CSMD1: variants seen among roughly 807,000 people sequenced by gnomAD.
The protein encoded by CSMD1 is CUB and sushi domain-containing protein 1.
In CSMD1, 213 loss-of-function variants were observed where a neutral mutation model predicts 417.5. The observed-to-expected ratio is 0.51, with a 90% CI of 0.46 to 0.57. CSMD1 has a LOEUF of 0.57. Among genes scored for constraint, CSMD1 ranks in the 20% least tolerant of loss-of-function variants. The probability of loss-of-function intolerance (pLI) is 0.00; values close to 1 mark genes in which losing one functional copy is unlikely to be tolerated. For missense variants in CSMD1, 6,923 were observed against 4,529.7 expected, an observed-to-expected ratio of 1.53 and a Z score of -15.17; for synonymous variants, 2,862 against 1,736.8, an observed-to-expected ratio of 1.65 and a Z score of -16.11.
intron 3 of CSMD1, among the ~76,000 whole-genome samples, chr8:4,287,374 C>G (rs1287908558): frequency 1.3e-5 from 2 of 152,116 alleles, no homozygotes; most frequent in African/African-American, 4.8e-5. Context: ...TCTAGAGGAA[C>G]AATGTAATGG....
chr8:4,332,547 TCACATA>T (rs1332277524), intron 3 of CSMD1, among the ~76,000 whole-genome samples: 19 of 111,534 alleles, frequency 1.7e-4, no homozygotes, highest in Non-Finnish European at 3.3e-4. Flanking sequence ...TGTCATGATA[TCACATA>T]CACACACACA....
chr8:3,468,438 T>C (rs1221720286), intron 12 of CSMD1, among the ~76,000 whole-genome samples: 1 of 152,214 alleles, frequency 6.6e-6, no homozygotes, highest in East Asian at 1.9e-4. Context: ...TCCCCACATA[T>C]GCCCACACTT....
chr8:3,827,640 C>T (rs919519802), intron 5 of CSMD1, among the ~76,000 whole-genome samples: 1 of 152,292 alleles, frequency 6.6e-6, no homozygotes, highest in African/African-American at 2.4e-5. Flanking sequence ...ATAAAAACCT[C>T]TTCGAATAAA....
At chr8:4,180,445 G>A (rs1018561805) in intron 3 of CSMD1, among the ~76,000 whole-genome samples, 1 of 118,332 alleles carries the variant, frequency 8.5e-6, no homozygotes, top group African/African-American at 3.2e-5. Context: ...GGGGAGGGGG[G>A]AGGGATAGCA....
intron 1 of CSMD1, among the ~76,000 whole-genome samples, chr8:4,718,273 A>T (rs921360463): frequency 6.6e-6 from 1 of 152,202 alleles, no homozygotes; most frequent in Non-Finnish European, 1.5e-5. Context: ...CACCATGCTA[A>T]ACCATACAAA....
At chr8:4,985,519 T>C (rs530227483) in intron 1 of CSMD1, among the ~76,000 whole-genome samples, 3 of 152,280 alleles carry the variant, frequency 2.0e-5, no homozygotes, top group African/African-American at 7.2e-5. Flanking sequence ...AGTCAAGTCT[T>C]CCCAATTCTC....
intron 3 of CSMD1, among the ~76,000 whole-genome samples, chr8:4,298,983 C>G (rs1053104764): frequency 7.9e-5 from 12 of 151,818 alleles, no homozygotes; most frequent in African/African-American, 2.9e-4. Context: ...GAAAGTGTTG[C>G]TTTGCAGATC....
chr8:4,560,624 G>C (rs1215909785), intron 2 of CSMD1, among the ~76,000 whole-genome samples: 1 of 152,218 alleles, frequency 6.6e-6, no homozygotes, highest in African/African-American at 2.4e-5. Flanking sequence ...CCACGGTTTA[G>C]TCCTCATGTG....
At chr8:3,728,691 T>C (rs907350837) in intron 6 of CSMD1, among the ~76,000 whole-genome samples, 1 of 151,938 alleles carries the variant, frequency 6.6e-6, no homozygotes, top group Non-Finnish European at 1.5e-5. Flanking sequence ...AAGAGTGCTC[T>C]TGTAATCTTG....
chr8:4,764,048 C>T (rs774200115), intron 1 of CSMD1, among the ~76,000 whole-genome samples: 9 of 152,138 alleles, frequency 5.9e-5, no homozygotes, highest in East Asian at 5.8e-4. Flanking sequence ...CCATGAATTA[C>T]GCTGGCAACA....
At chr8:4,539,437 G>C (rs1585222883) in intron 2 of CSMD1, among the ~76,000 whole-genome samples, 1 of 152,092 alleles carries the variant, frequency 6.6e-6, no homozygotes, top group African/African-American at 2.4e-5. Flanking sequence ...TTTTTAGTCA[G>C]TCTTCAAAAA....
intron 3 of CSMD1, among the ~76,000 whole-genome samples, chr8:4,170,769 C>T (rs1000441980): frequency 3.3e-5 from 5 of 151,390 alleles, no homozygotes; most frequent in African/African-American, 4.9e-5. Context: ...AGCTAAGGGA[C>T]ACAGAATTTC....
In CSMD1 at chr8:3,406,225, A is replaced by T; in HGVS notation, c.2072-4T>A. Reference sequence around the variant, plus strand: ...TGGCACTCATTCTGACCAAATGCTGAAAGAAAAAGAAGAAGAAAAAAGGAA... The same window carrying T: ...TGGCACTCATTCTGACCAAATGCTGTAAGAAAAAGAAGAAGAAAAAAGGAA... On this transcript the variant is annotated splice_region_variant and splice_polypyrimidine_tract_variant and intron_variant, in intron 14 of 69. Coordinates refer to ENST00000635120, the MANE Select transcript of CSMD1 (RefSeq NM_033225.6). The T allele has an allele frequency of 1.3e-6, 2 of 1,580,330 alleles. No homozygotes were observed. Among genetic ancestry groups the T allele is most frequent in the Non-Finnish European group, 1.7e-6 (2 of 1,165,010 alleles).
chr8:4,106,028 C>A (rs187578904), intron 3 of CSMD1, among the ~76,000 whole-genome samples: 1 of 152,192 alleles, frequency 6.6e-6, no homozygotes, highest in African/African-American at 2.4e-5. Flanking sequence ...ACCATCTCCA[C>A]TGCATCAAGG....
intron 3 of CSMD1, among the ~76,000 whole-genome samples, chr8:4,328,948 C>G (rs1467333634): frequency 6.6e-6 from 1 of 152,170 alleles, no homozygotes; most frequent in Non-Finnish European, 1.5e-5. Flanking sequence ...AATGCATTTG[C>G]AAGTTTAGCA....
Position 3,938,218 on chromosome 8 carries a change from T to C in CSMD1, c.818+59685A>G, listed in dbSNP as rs536205746. On this transcript the variant is annotated intron_variant, in intron 5 of 69. Transcript: ENST00000635120. Reference sequence around the variant, plus strand: ...TCATTTTTGGGTAACATCCAGTCACTGATGAAGCCATGTGTAAAATGCTTT... The same window carrying C: ...TCATTTTTGGGTAACATCCAGTCACCGATGAAGCCATGTGTAAAATGCTTT... Among the ~76,000 whole-genome samples the C allele has an allele frequency of 3.3e-5, 5 of 152,136 alleles. 1 individual carries two copies. The highest frequency in any genetic ancestry group is 7.4e-5 in the Non-Finnish European group (5 of 68,010).
chr8:4,109,131 C>G (rs1265489289), intron 3 of CSMD1, among the ~76,000 whole-genome samples: 1 of 152,022 alleles, frequency 6.6e-6, no homozygotes, highest in Non-Finnish European at 1.5e-5. Flanking sequence ...ATTTATAATA[C>G]CTAATACAAT....
At chr8:3,837,875 T>A (rs1329265161) in intron 5 of CSMD1, among the ~76,000 whole-genome samples, 1 of 152,166 alleles carries the variant, frequency 6.6e-6, no homozygotes, top group Non-Finnish European at 1.5e-5. Flanking sequence ...CTCACAGGAC[T>A]AGTTTTCATT....
chr8:3,020,741 T>C (rs1036290751), intron 51 of CSMD1, among the ~76,000 whole-genome samples: 2 of 152,186 alleles, frequency 1.3e-5, no homozygotes. Context: ...CTGAGTTTTC[T>C]GTGGGGTGCA....
Sources: allele counts gnomAD v4.1 joint callset (sites outside exome capture counted in the v4.1 genomes callset), GRCh38; gene constraint gnomAD v4.1.1; transcripts MANE v1.5; gene names NCBI Gene and HGNC (gene_info 2026-07-23, HGNC 2026-07-21).